Variants in MYT1L observed in about 807,000 individuals in gnomAD.
MYT1L encodes the protein myelin transcription factor 1-like protein.
MYT1L carries 12 observed loss-of-function variants against 126.7 expected under a neutral mutation model. That is an observed-to-expected ratio of 0.09 (90% CI 0.06 to 0.15). The LOEUF (loss-of-function observed/expected upper bound fraction) is 0.15. MYT1L is among the 10% of genes least tolerant of loss of function. MYT1L has a pLI of 1.00. For synonymous variants in MYT1L, 541 were observed against 604.2 expected, an observed-to-expected ratio of 0.90 and a Z score of 1.53; for missense variants, 979 against 1,585.2, an observed-to-expected ratio of 0.62 and a Z score of 6.49.
Position 1,979,273 on chromosome 2 carries a change from T to TGA in MYT1L, c.90-48_90-47dup, listed in dbSNP as rs774664186. On this transcript the variant is annotated intron_variant, in intron 7 of 24. Coordinates refer to ENST00000647738, the MANE Select transcript of MYT1L (RefSeq NM_001303052.2). This position sits in a 1 kb window ranked among gnomAD's most constrained non-coding sequence, Gnocchi z 4.0. Reference sequence around the variant, plus strand: ...TTACACGGTGCCGCAGGCAGGCAGGTGAGACGGAAAGCTTCCGTGGCAGCA... The same window carrying TGA: ...TTACACGGTGCCGCAGGCAGGCAGGTGAGAGACGGAAAGCTTCCGTGGCAGCA... 6.4e-7 allele frequency: 1 copy of TGA among 1,559,954 alleles called. No homozygotes were observed. Among genetic ancestry groups the TGA allele is most frequent in the Non-Finnish European group, 8.8e-7 (1 of 1,133,746 alleles).
chr2:1,879,917 C>A (rs1305786463), intron 18 of MYT1L, among the ~76,000 whole-genome samples: 3 of 152,146 alleles, frequency 2.0e-5, no homozygotes, highest in Admixed American at 6.5e-5. Context: ...TTAAATGTTT[C>A]ATAATTTTGA....
At chr2:1,935,603 G>A (rs974671452) in intron 9 of MYT1L, among the ~76,000 whole-genome samples, 7 of 152,166 alleles carry the variant, frequency 4.6e-5, no homozygotes, top group Non-Finnish European at 1.0e-4. Context: ...AGACAGCGAA[G>A]TGAAGGAAGG....
chr2:1,805,002 T>C (rs964315296), intron 22 of MYT1L, among the ~76,000 whole-genome samples: 8 of 152,030 alleles, frequency 5.3e-5, no homozygotes, highest in Non-Finnish European at 2.9e-5. Flanking sequence ...TCAGCCAAGG[T>C]GCCAAGGTGC....
intron 2 of MYT1L, among the ~76,000 whole-genome samples, chr2:2,219,138 AG>A: frequency 6.6e-6 from 1 of 152,312 alleles, no homozygotes; most frequent in South Asian, 2.1e-4. Flanking sequence ...GGAGAGTTTG[AG>A]GACAGTGGAA....
chr2:2,013,707 A>C (rs1171397881), intron 4 of MYT1L, among the ~76,000 whole-genome samples: 1 of 152,188 alleles, frequency 6.6e-6, no homozygotes, highest in Non-Finnish European at 1.5e-5. Flanking sequence ...GGGCTGAAGT[A>C]CTCAGAAATG....
chr2:2,273,102 G>T (rs2095295140), intron 2 of MYT1L, among the ~76,000 whole-genome samples: 2 of 152,032 alleles, frequency 1.3e-5, no homozygotes, highest in Admixed American at 1.3e-4. Flanking sequence ...GTGTCCACAT[G>T]CCCCCAGCGG....
intron 11 of MYT1L, among the ~76,000 whole-genome samples, chr2:1,916,882 A>C (rs755998528): frequency 6.6e-6 from 1 of 152,174 alleles, no homozygotes; most frequent in Non-Finnish European, 1.5e-5. Flanking sequence ...CATCGAATTC[A>C]ATTCTGTAAT....
chr2:2,292,912 G>A (rs1327617620), intron 1 of MYT1L, among the ~76,000 whole-genome samples: 7 of 152,134 alleles, frequency 4.6e-5, no homozygotes, highest in East Asian at 1.9e-4. Flanking sequence ...TGTGGAAATC[G>A]GTGAGACGGG....
At chr2:1,935,237 T>C (rs1369985944) in intron 9 of MYT1L, among the ~76,000 whole-genome samples, 2 of 152,226 alleles carry the variant, frequency 1.3e-5, no homozygotes, top group African/African-American at 4.8e-5. Context: ...ACCTCTTCCA[T>C]ACTGTATTAT....
intron 9 of MYT1L, among the ~76,000 whole-genome samples, chr2:1,935,077 A>G (rs763954340): frequency 6.6e-6 from 1 of 152,232 alleles, no homozygotes; most frequent in Non-Finnish European, 1.5e-5. Context: ...CAACATGACC[A>G]CTTTCTTAGC....
intron 21 of MYT1L, among the ~76,000 whole-genome samples, chr2:1,837,260 G>T (rs924573222): frequency 6.6e-6 from 1 of 152,218 alleles, no homozygotes; most frequent in East Asian, 1.9e-4. Flanking sequence ...GAAAGCTAAA[G>T]CACCAGGCTC....
In MYT1L at chr2:1,862,340, A is replaced by T. The variant is rs74968719; in HGVS notation, c.2712-10637T>A. Among the ~76,000 whole-genome samples, 650 of 152,294 alleles carry T rather than the reference A, an allele frequency of 4.3e-3. 3 individuals are homozygous for T. The highest frequency in any genetic ancestry group is 0.013 in the African/African-American group (550 of 41,548). ...TAAAGAGTTAAGTACCTTTAAGGTC[A>T]AAAAGGAGCAACAAAGCTGAGATTA... is the stretch of plus-strand genomic sequence containing the variant. On this transcript the variant is annotated intron_variant, in intron 18 of 24. Transcript: ENST00000647738.
chr2:2,025,943 G>C (rs968164065), intron 4 of MYT1L, among the ~76,000 whole-genome samples: 8 of 152,222 alleles, frequency 5.3e-5, no homozygotes, highest in Admixed American at 5.2e-4. Flanking sequence ...CAAAGGCAGA[G>C]CTTCAGCAAG....
intron 8 of MYT1L, among the ~76,000 whole-genome samples, chr2:1,969,640 G>A (rs939456901): frequency 6.6e-6 from 1 of 152,146 alleles, no homozygotes; most frequent in Non-Finnish European, 1.5e-5. Context: ...TGTCTGACTT[G>A]CTTGTCAGTG....
Position 1,792,026 on chromosome 2 carries a change from T to C in MYT1L, c.3421-19A>G. On this transcript the variant is annotated intron_variant, in intron 24 of 24. Coordinates refer to ENST00000647738, the MANE Select transcript of MYT1L (RefSeq NM_001303052.2). ...TTGGATCCTACGAGATATTAAATAGTAGTTCATATACAACTTTTATTTTCT... is the reference window on the plus strand; with the variant it reads ...TTGGATCCTACGAGATATTAAATAGCAGTTCATATACAACTTTTATTTTCT... 1 of 1,527,608 alleles carries C rather than the reference T, an allele frequency of 6.5e-7. No homozygotes were observed. Among genetic ancestry groups the C allele is most frequent in the Non-Finnish European group, 8.8e-7 (1 of 1,130,204 alleles). The allele number at this position is 1,527,608 out of a possible 1,614,324, so 94.6% of individuals were successfully genotyped here. A position where few individuals can be genotyped will look rare whatever the true frequency, so the allele number is the denominator to read the frequency against.
In MYT1L at chr2:2,059,839, G is replaced by A. The variant is rs1392201580; in HGVS notation, c.-303-5716C>T. ...TTTCCTAGAAAGAGTTTTGTAGGAA[G>A]CTTTGGAGGCTGCAACACATCTTGT... is the stretch of plus-strand genomic sequence containing the variant. On this transcript the variant is annotated intron_variant, in intron 3 of 24. Transcript: ENST00000647738. The surrounding 1 kb of genome is among the most constrained non-coding windows in gnomAD (Gnocchi z 4.7). Among the ~76,000 whole-genome samples the A allele has an allele frequency of 6.6e-6, 1 of 152,136 alleles. No homozygotes were observed. The highest frequency in any genetic ancestry group is 2.4e-5 in the African/African-American group (1 of 41,440).
Position 1,943,165 on chromosome 2 carries a change from C to T in MYT1L, c.322G>A (p.Glu108Lys), listed in dbSNP as rs1215650012. ...DMDEKEEDEG[E>K]EYSEDNDEPG... Reference sequence around the variant, plus strand: ...TCATCATTGTCCTCGGAGTACTCCTCCCCCTCATCCTCCTCCTTCTCATCC... The same window carrying T: ...TCATCATTGTCCTCGGAGTACTCCTTCCCCTCATCCTCCTCCTTCTCATCC... Residue 108 changes from glutamate (E) to lysine (K), a missense_variant, in exon 9 of 25, where the codon GAG becomes AAG. Physicochemically the swap from Glu to Lys is moderately conservative, Grantham distance 56. Coordinates refer to ENST00000647738, the MANE Select transcript of MYT1L (RefSeq NM_001303052.2). The surrounding 1 kb of genome is among the most constrained non-coding windows in gnomAD (Gnocchi z 4.4). 6.5e-7 allele frequency: 1 copy of T among 1,546,240 alleles called. No homozygotes were observed. Among genetic ancestry groups the T allele is most frequent in the South Asian group, 1.2e-5 (1 of 83,894 alleles).
chr2:2,127,025 G>C (rs1166653235), intron 3 of MYT1L, among the ~76,000 whole-genome samples: 1 of 152,216 alleles, frequency 6.6e-6, no homozygotes. Context: ...CATTTCTAAA[G>C]AGCTGAATTG....
intron 9 of MYT1L, among the ~76,000 whole-genome samples, chr2:1,928,795 G>A (rs1386394523): frequency 6.6e-6 from 1 of 152,168 alleles, no homozygotes; most frequent in African/African-American, 2.4e-5. Flanking sequence ...GGATCCTGAT[G>A]AGTGGAGTTT....
Sources: allele counts gnomAD v4.1 joint callset (sites outside exome capture counted in the v4.1 genomes callset), GRCh38; gene constraint gnomAD v4.1.1; non-coding constraint Gnocchi (gnomAD v3.1); transcripts MANE v1.5; gene names NCBI Gene and HGNC (gene_info 2026-07-23, HGNC 2026-07-21).